The following TULP3 variants were observed in gnomAD, a reference collection of about 807,000 sequenced individuals.
TULP3 encodes the protein tubby-related protein 3.
TULP3 carries 38 observed loss-of-function variants against 50.7 expected under a neutral mutation model. That is an observed-to-expected ratio of 0.75 (90% CI 0.58 to 0.98). The LOEUF (loss-of-function observed/expected upper bound fraction) is 0.98. Ranked by LOEUF, TULP3 falls within the 50% of genes least tolerant of loss-of-function variation. The pLI, the probability that TULP3 is intolerant of heterozygous loss-of-function variation, is 0.00. For synonymous variants in TULP3, 183 were observed against 196.6 expected (o/e 0.93, Z 0.58); for missense variants, 550 against 568.0 (o/e 0.97, Z 0.32).
rs1000552200 is a variant in TULP3 at position 2,903,579 on chromosome 12, A to C, written c.42-5950A>C. Among the ~76,000 whole-genome samples the C allele has an allele frequency of 5.0e-3, 763 of 152,092 alleles. 5 individuals are homozygous for C. The highest frequency in any genetic ancestry group is 0.017 in the African/African-American group (706 of 41,518). Reference sequence around the variant, plus strand: ...CTCTATCTCAAAAAAAAAAAAAAGAAAAAAGAAAAAAATGAAATTTGCTGA... The same window carrying C: ...CTCTATCTCAAAAAAAAAAAAAAGACAAAAGAAAAAAATGAAATTTGCTGA... On this transcript the variant is annotated intron_variant, in intron 1 of 10. Coordinates refer to ENST00000448120, the MANE Select transcript of TULP3 (RefSeq NM_003324.5).
intron 2 of TULP3, among the ~76,000 whole-genome samples, chr12:2,915,106 A>G (rs1455120766): frequency 6.6e-6 from 1 of 152,030 alleles, no homozygotes; most frequent in Non-Finnish European, 1.5e-5. Flanking sequence ...CTTATGCCTC[A>G]GCCTCTCGAG....
At chr12:2,923,862 C>T (rs959553708) in intron 4 of TULP3, among the ~76,000 whole-genome samples, 5 of 151,502 alleles carry the variant, frequency 3.3e-5, no homozygotes, top group African/African-American at 1.2e-4. Context: ...CACCTGTAGT[C>T]CCAGCTACTT....
At position 2,940,655 on chromosome 12, in the gene TULP3, C is replaced by T. The variant is rs1223958338; in HGVS notation, c.*1211C>T. On this transcript the variant is annotated 3_prime_UTR_variant, in exon 11 of 11. Coordinates refer to ENST00000448120, the MANE Select transcript of TULP3 (RefSeq NM_003324.5). ...GGGACACCCGTGGCGGCTGCTCCCT[C>T]AGACCTCCCTTCTGTGGACTGACCT... 1 of 1,551,740 alleles carries T rather than the reference C, an allele frequency of 6.4e-7. No homozygotes were observed. Among genetic ancestry groups the T allele is most frequent in the Non-Finnish European group, 8.7e-7 (1 of 1,147,002 alleles).
chr12:2,920,194 T>C (rs1221711143), intron 2 of TULP3, among the ~76,000 whole-genome samples: 1 of 152,174 alleles, frequency 6.6e-6, no homozygotes, highest in Non-Finnish European at 1.5e-5. Flanking sequence ...TTCCCATACA[T>C]CTTTAGTAGA....
chr12:2,913,682 C>T (rs2098186979), intron 2 of TULP3, among the ~76,000 whole-genome samples: 1 of 152,218 alleles, frequency 6.6e-6, no homozygotes, highest in African/African-American at 2.4e-5. Context: ...ACAATCTCAG[C>T]TCACTGCAAC....
intron 9 of TULP3, 126 bp downstream of exon 9, chr12:2,937,855 C>A: frequency 1.1e-6 from 1 of 909,756 alleles, no homozygotes; most frequent in Non-Finnish European, 1.6e-6. Context: ...TAGCTCCATA[C>A]ACTTCTTTAG....
At chr12:2,914,578 C>T (rs899902254) in intron 2 of TULP3, among the ~76,000 whole-genome samples, 1 of 152,196 alleles carries the variant, frequency 6.6e-6, no homozygotes, top group Non-Finnish European at 1.5e-5. Context: ...CACCATTTAT[C>T]GAAATACTTT....
chr12:2,933,801 A>C (rs2098199602), intron 7 of TULP3, among the ~76,000 whole-genome samples: 2 of 152,058 alleles, frequency 1.3e-5, no homozygotes, highest in Admixed American at 6.6e-5. Context: ...AAATACAAAA[A>C]TCAGCCAGGT....
chr12:2,933,225 G>A (rs2098199207), intron 6 of TULP3, among the ~76,000 whole-genome samples, 193 bp from the exon 7 acceptor site: 1 of 152,152 alleles, frequency 6.6e-6, no homozygotes, highest in Non-Finnish European at 1.5e-5. Context: ...ACAGGCGTGA[G>A]CCACCACACC....
chr12:2,920,698 A>C (rs2098191156), intron 2 of TULP3, 65 bp from the exon 3 acceptor site: 1 of 1,565,652 alleles, frequency 6.4e-7, no homozygotes, highest in Admixed American at 1.9e-5. Flanking sequence ...CAAACTGGGC[A>C]TGTTGGAAAT....
chr12:2,907,975 G>A (rs1248483619), intron 1 of TULP3, among the ~76,000 whole-genome samples: 1 of 152,130 alleles, frequency 6.6e-6, no homozygotes, highest in Non-Finnish European at 1.5e-5. Context: ...AAGGTCATGA[G>A]TGAATTAATA....
intron 1 of TULP3, among the ~76,000 whole-genome samples, chr12:2,907,730 T>TC (rs2098183163): frequency 6.6e-6 from 1 of 151,756 alleles, no homozygotes; most frequent in African/African-American, 2.4e-5. Context: ...TGTTTTATCT[T>TC]TTTTTGTCAC....
At chr12:2,914,299 T>C (rs2098187395) in intron 2 of TULP3, among the ~76,000 whole-genome samples, 1 of 151,710 alleles carries the variant, frequency 6.6e-6, no homozygotes, top group Admixed American at 6.6e-5. Context: ...TAATTTTGTA[T>C]TTGTAGTAGA....
chr12:2,939,112 G>C lies in TULP3; in HGVS notation c.1196-199G>C, dbSNP rs530802246. On this transcript the variant is annotated intron_variant, in intron 10 of 10. Transcript: ENST00000448120. This position sits in a 1 kb window ranked among gnomAD's most constrained non-coding sequence, Gnocchi z 4.0. ...GTGGTGGCGCTTGCCTGTAGTCCCA[G>C]CTACTCAGGAGGCTGAGGTGGGAGG... Among the ~76,000 whole-genome samples the C allele has an allele frequency of 1.3e-5, 2 of 152,202 alleles. No individual in the cohort carries two copies. Among genetic ancestry groups the C allele is most frequent in the East Asian group, 3.9e-4 (2 of 5,158 alleles).
intron 4 of TULP3, among the ~76,000 whole-genome samples, chr12:2,929,402 T>C (rs2098196600): frequency 6.6e-6 from 1 of 152,088 alleles, no homozygotes; most frequent in Non-Finnish European, 1.5e-5. Flanking sequence ...CTCAAAATCC[T>C]GGGCTTAAGT....
Position 2,940,105 on chromosome 12 carries a change from T to A in TULP3, c.*661T>A. 1 of 1,290,548 alleles carries A rather than the reference T, an allele frequency of 7.7e-7. No individual in the cohort carries two copies. The highest frequency in any genetic ancestry group is 1.0e-6 in the Non-Finnish European group (1 of 989,706). The allele number at this position is 1,290,548 out of a possible 1,614,324, so 79.9% of individuals were successfully genotyped here. On this transcript the variant is annotated 3_prime_UTR_variant, in exon 11 of 11. Coordinates refer to ENST00000448120, the MANE Select transcript of TULP3 (RefSeq NM_003324.5). ...ATGTGAGAATTTTATATAATTGTCTTCATTTCAATTAAGGCTGAAAGCATA... is the reference window on the plus strand; with the variant it reads ...ATGTGAGAATTTTATATAATTGTCTACATTTCAATTAAGGCTGAAAGCATA...
In TULP3 at chr12:2,940,189, AC is replaced by A; in HGVS notation, c.*748del. 1 of 1,316,666 alleles carries A rather than the reference AC, an allele frequency of 7.6e-7. No individual in the cohort carries two copies. The highest frequency in any genetic ancestry group is 9.9e-7 in the Non-Finnish European group (1 of 1,007,550). The allele number at this position is 1,316,666 out of a possible 1,614,324, so 81.6% of individuals were successfully genotyped here. On this transcript the variant is annotated 3_prime_UTR_variant, in exon 11 of 11. Transcript: ENST00000448120. ...AATGTGATAATTGCCTTCATTTTCA[AC>A]CCAGGAGTGCCTCTCACAGCTATAT...
intron 2 of TULP3, among the ~76,000 whole-genome samples, chr12:2,920,081 G>A (rs1026484524): frequency 3.3e-5 from 5 of 151,312 alleles, no homozygotes; most frequent in Non-Finnish European, 5.9e-5. Context: ...GCCATAGTCT[G>A]CCACCTGAAG....
rs2098203883 is a variant in TULP3 at position 2,940,230 on chromosome 12, TAGTG to T, written c.*789_*792del. 7.4e-7 allele frequency: 1 copy of T among 1,351,066 alleles called. No individual in the cohort carries two copies. Among genetic ancestry groups the T allele is most frequent in the African/African-American group, 1.5e-5 (1 of 68,294 alleles). The allele number at this position is 1,351,066 out of a possible 1,614,324, so 83.7% of individuals were successfully genotyped here. A position where few individuals can be genotyped will look rare whatever the true frequency, so the allele number is the denominator to read the frequency against. On this transcript the variant is annotated 3_prime_UTR_variant, in exon 11 of 11. Transcript: ENST00000448120. ...CACAGCTATATGACTACGGATCCAT[TAGTG>T]AGGAGCGACACACACACCTGTAGGC... is the stretch of plus-strand genomic sequence containing the variant.
Sources: allele counts gnomAD v4.1 joint callset (sites outside exome capture counted in the v4.1 genomes callset), GRCh38; gene constraint gnomAD v4.1.1; non-coding constraint Gnocchi (gnomAD v3.1); transcripts MANE v1.5; gene names NCBI Gene and HGNC (gene_info 2026-07-23, HGNC 2026-07-21).